PCDH11Y: variants seen among roughly 807,000 people sequenced by gnomAD.
The protein encoded by PCDH11Y is protocadherin 11 Y-linked.
For synonymous variants in PCDH11Y, 9 were observed against 83.6 expected (o/e 0.11, Z 4.87); for missense variants, 12 against 224.8 (o/e 0.05, Z 6.05).
intron 3 of PCDH11Y, among the ~76,000 whole-genome samples, chrY:5,041,701 T>C: frequency 6.1e-5 from 2 of 32,545 alleles, no homozygotes; most frequent in Non-Finnish European, 1.5e-4. Context: ...TCCACAATGG[T>C]TGAACTAGTT....
At chrY:5,507,481 G>T in intron 3 of PCDH11Y, among the ~76,000 whole-genome samples, 1 of 32,909 alleles carries the variant, frequency 3.0e-5, no homozygotes, top group Non-Finnish European at 7.5e-5. Flanking sequence ...AATTATAGAG[G>T]TCATGAATTA....
At chrY:5,335,032 T>C in intron 2 of PCDH11Y, among the ~76,000 whole-genome samples, 1 of 31,540 alleles carries the variant, frequency 3.2e-5, no homozygotes, top group Admixed American at 3.0e-4. Context: ...GGTGGGATAT[T>C]GAGAAGCACA....
At chrY:5,520,292 C>G in intron 3 of PCDH11Y, among the ~76,000 whole-genome samples, 8 of 25,726 alleles carry the variant, frequency 3.1e-4, no homozygotes, top group South Asian at 1.0e-3. Context: ...AATCTGCTTC[C>G]TCTCTCTCCA....
At chrY:5,409,554 A>G (rs2124678131) in intron 2 of PCDH11Y, among the ~76,000 whole-genome samples, 1 of 32,649 alleles carries the variant, frequency 3.1e-5, no homozygotes, top group South Asian at 7.0e-4. Context: ...AGTTAAGTAT[A>G]TGTGTTATTT....
intron 2 of PCDH11Y, among the ~76,000 whole-genome samples, chrY:5,497,982 A>T: frequency 6.2e-5 from 2 of 32,353 alleles, no homozygotes; most frequent in African/African-American, 1.2e-4. Flanking sequence ...TCTTGGGCTG[A>T]GTTAGTTCCT....
intron 2 of PCDH11Y, among the ~76,000 whole-genome samples, chrY:5,455,532 A>C: frequency 3.0e-5 from 1 of 33,481 alleles, no homozygotes; most frequent in Admixed American, 2.7e-4. Flanking sequence ...GTATTAGTCC[A>C]TTCTCACATT....
rs2053617773 is a variant in PCDH11Y at position 5,741,674 on chromosome Y, T to A, written c.*3732T>A. ...GGGAACAAGAGAAGCTGAAATATATTTCTGCAAGAACCTTTCTATATTATG... is the reference window on the plus strand; with the variant it reads ...GGGAACAAGAGAAGCTGAAATATATATCTGCAAGAACCTTTCTATATTATG... On this transcript the variant is annotated 3_prime_UTR_variant, in exon 5 of 5. Transcript: ENST00000400457. 20 of 32,433 alleles carry A rather than the reference T, an allele frequency of 6.2e-4. No homozygotes were observed. In the South Asian group the frequency reaches 0.014, roughly 22 times the overall value. 8.1% of individuals were successfully genotyped at this position (32,433 alleles called of 400,897 possible). A position where few individuals can be genotyped will look rare whatever the true frequency, so the allele number is the denominator to read the frequency against.
chrY:5,041,263 C>A (rs375573977), intron 3 of PCDH11Y, among the ~76,000 whole-genome samples: 1 of 12,836 alleles, frequency 7.8e-5, no homozygotes. Flanking sequence ...CACCCCTCCC[C>A]CCACCCCACA....
intron 4 of PCDH11Y, chrY:5,615,197 C>G: frequency 1.5e-5 from 1 of 66,926 alleles, no homozygotes; most frequent in African/African-American, 1.1e-4. Flanking sequence ...GATCAAAATA[C>G]TGAACATATT....
intron 4 of PCDH11Y, among the ~76,000 whole-genome samples, chrY:5,624,537 G>A: frequency 6.7e-5 from 2 of 29,825 alleles, no homozygotes; most frequent in Non-Finnish European, 1.6e-4. Flanking sequence ...AGCATTTAAC[G>A]CAACTTGGGT....
chrY:5,580,504 T>A, intron 3 of PCDH11Y, among the ~76,000 whole-genome samples: 1 of 32,824 alleles, frequency 3.0e-5, no homozygotes, highest in Non-Finnish European at 7.6e-5. Context: ...TGTGTGTGTT[T>A]GTGTGTTTCT....
intron 2 of PCDH11Y, among the ~76,000 whole-genome samples, chrY:5,384,435 G>A: frequency 3.4e-5 from 1 of 29,737 alleles, no homozygotes; most frequent in Non-Finnish European, 8.0e-5. Context: ...CATAGTCTGA[G>A]TAACGGCCAG....
intron 2 of PCDH11Y, among the ~76,000 whole-genome samples, chrY:5,219,305 G>A (rs2052949885): frequency 6.1e-5 from 2 of 32,543 alleles, no homozygotes; most frequent in Non-Finnish European, 1.5e-4. Flanking sequence ...TTTCCATAAT[G>A]GCTGTACGAA....
intron 1 of PCDH11Y, among the ~76,000 whole-genome samples, chrY:5,079,362 G>T: frequency 3.0e-5 from 1 of 33,224 alleles, no homozygotes; most frequent in South Asian, 6.9e-4. Context: ...GGGATTCTTT[G>T]TGGAGGCTCC....
chrY:5,354,047 A>G, intron 2 of PCDH11Y, among the ~76,000 whole-genome samples: 1 of 33,771 alleles, frequency 3.0e-5, no homozygotes, highest in Admixed American at 2.8e-4. Context: ...TTTTAGGTTT[A>G]TTGCCTGTGG....
intron 2 of PCDH11Y, among the ~76,000 whole-genome samples, chrY:5,333,094 T>C: frequency 3.0e-5 from 1 of 33,787 alleles, no homozygotes; most frequent in Non-Finnish European, 7.3e-5. Flanking sequence ...GGTACACATA[T>C]AATATAATGC....
chrY:5,471,005 G>A, intron 2 of PCDH11Y, among the ~76,000 whole-genome samples: 1 of 30,431 alleles, frequency 3.3e-5, no homozygotes, highest in Non-Finnish European at 8.1e-5. Context: ...CAAACTAGTG[G>A]AATTTAAACT....
intron 2 of PCDH11Y, among the ~76,000 whole-genome samples, chrY:5,498,952 T>G: frequency 6.2e-5 from 2 of 32,005 alleles, no homozygotes; most frequent in Admixed American, 5.8e-4. Context: ...AGCTCAAGGG[T>G]CGAGACCAGC....
intron 2 of PCDH11Y, among the ~76,000 whole-genome samples, chrY:5,436,405 A>G (rs2053275252): frequency 3.0e-3 from 103 of 34,021 alleles, no homozygotes; most frequent in Admixed American, 0.021. Flanking sequence ...TCAAATATGC[A>G]TGAGAAAAAG....
Sources: gnomAD v4.1 joint callset for allele counts (sites outside exome capture counted in the v4.1 genomes callset) on GRCh38, gnomAD v4.1.1 for gene constraint, MANE v1.5 for transcripts, NCBI Gene and HGNC (gene_info 2026-07-23, HGNC 2026-07-21) for gene names.